TES: variants seen among roughly 807,000 people sequenced by gnomAD.
TES encodes testin LIM domain protein.
Under a neutral mutation model 48.2 loss-of-function variants are expected in TES, and 41 were observed. The ratio of observed to expected loss-of-function variants is 0.85; its 90% CI spans 0.66 to 1.10. TES has a LOEUF of 1.10. Among genes scored for constraint, TES ranks in the 50% least tolerant of loss-of-function variants. TES has a pLI of 0.00. For missense variants in TES, 463 were observed against 515.1 expected, an observed-to-expected ratio of 0.90 and a Z score of 0.98; for synonymous variants, 162 against 174.9, an observed-to-expected ratio of 0.93 and a Z score of 0.58.
In TES at chr7:116,250,167, C is replaced by T. The variant is rs747268558; in HGVS notation, c.373C>T (p.Gln125Ter). Residue 125 changes from glutamine to a stop codon, truncating the protein, a stop_gained, in exon 4 of 7, where the codon CAG becomes TAG. Coordinates refer to ENST00000358204, the MANE Select transcript of TES (RefSeq NM_015641.4). LOFTEE classifies it high-confidence loss of function. ...PPVQNQALAR[Q>*]YMQMLPKEKQ... The stretch of plus-strand genomic sequence containing the variant: ...TGGCCTCCTTGTGGTTCAGGCCAGG[C>T]AGTACATGCAGATGCTACCCAAGGA... 6.5e-7 allele frequency: 1 copy of T among 1,528,092 alleles called. No homozygotes were observed. Among genetic ancestry groups the T allele is most frequent in the South Asian group, 1.3e-5 (1 of 75,064 alleles). 94.7% of individuals were successfully genotyped at this position (1,528,092 alleles called of 1,614,324 possible).
At chr7:116,238,578 C>T (rs1799802715) in intron 2 of TES, among the ~76,000 whole-genome samples, 1 of 118,500 alleles carries the variant, frequency 8.4e-6, no homozygotes, top group South Asian at 2.8e-4. Context: ...GTTAACTCAA[C>T]ATCCATCATT....
chr7:116,253,095 G>C (rs577665037), intron 6 of TES, among the ~76,000 whole-genome samples: 1 of 152,188 alleles, frequency 6.6e-6, no homozygotes, highest in Non-Finnish European at 1.5e-5. Flanking sequence ...AGGGTAAAAA[G>C]TTGACCATAG....
intron 2 of TES, 84 bp downstream of exon 2, chr7:116,234,703 T>G: frequency 9.0e-7 from 1 of 1,111,428 alleles, no homozygotes; most frequent in Non-Finnish European, 1.4e-6. Flanking sequence ...CTTCGAGTTC[T>G]CCAGCATGGT....
At chr7:116,247,873 T>G (rs368952641) in intron 2 of TES, among the ~76,000 whole-genome samples, 41 of 152,278 alleles carry the variant, frequency 2.7e-4, no homozygotes, top group African/African-American at 9.1e-4. Context: ...CATGGGTAAA[T>G]TGCATGTTAC....
At chr7:116,220,667 A>T (rs188879314) in intron 1 of TES, among the ~76,000 whole-genome samples, 145 of 152,318 alleles carry the variant, frequency 9.5e-4, no homozygotes, top group Non-Finnish European at 1.3e-3. Context: ...GTTAGACCTT[A>T]GTACCAATAA....
intron 4 of TES, chr7:116,251,465 G>A (rs911987627): frequency 2.1e-5 from 6 of 292,258 alleles, no homozygotes; most frequent in Middle Eastern, 1.2e-3. Context: ...GGTGAATCAC[G>A]AGGTCAGGAG....
chr7:116,247,977 A>G (rs1261793163), intron 2 of TES, among the ~76,000 whole-genome samples: 2 of 151,546 alleles, frequency 1.3e-5, no homozygotes, highest in Non-Finnish European at 2.9e-5. Context: ...CACCCTCCCC[A>G]CTCTAATATT....
intron 2 of TES, among the ~76,000 whole-genome samples, chr7:116,236,070 A>G (rs1384982854): frequency 6.6e-6 from 1 of 152,208 alleles, no homozygotes; most frequent in Non-Finnish European, 1.5e-5. Flanking sequence ...TTCAAGGGAC[A>G]TAGAAGTGGC....
At chr7:116,218,689 T>A (rs112790821) in intron 1 of TES, among the ~76,000 whole-genome samples, 8,218 of 152,204 alleles carry the variant, frequency 0.054, 276 homozygotes, top group Non-Finnish European at 0.083. Context: ...CGATGTCACC[T>A]TTGATAGATT....
At chr7:116,246,528 T>G (rs1799925126) in intron 2 of TES, among the ~76,000 whole-genome samples, 1 of 152,204 alleles carries the variant, frequency 6.6e-6, no homozygotes, top group Admixed American at 6.5e-5. Flanking sequence ...CCTGCATGAC[T>G]TCATGCCTAC....
At position 116,252,224 on chromosome 7, in the gene TES, C is replaced by T. The variant is rs75495392; in HGVS notation, c.919-94C>T. The stretch of plus-strand genomic sequence containing the variant: ...AGCATAAGTTCAAGCTTTAGGTTAT[C>T]ATTTTCAAACTTTAGACCCTGAGAA... On this transcript the variant is annotated intron_variant, in intron 5 of 6. Coordinates refer to ENST00000358204, the MANE Select transcript of TES (RefSeq NM_015641.4). The T allele has an allele frequency of 2.1e-3, 2,875 of 1,350,766 alleles. 94 individuals are homozygous for T. In the East Asian group the frequency reaches 0.062, roughly 29 times the overall value. The allele number at this position is 1,350,766 out of a possible 1,614,324, so 83.7% of individuals were successfully genotyped here. A position where few individuals can be genotyped will look rare whatever the true frequency, so the allele number is the denominator to read the frequency against.
intron 1 of TES, among the ~76,000 whole-genome samples, chr7:116,215,646 T>C (rs1332915227): frequency 6.6e-6 from 1 of 152,204 alleles, no homozygotes. Flanking sequence ...CTCCTAACTA[T>C]GTAAAATGGC....
At chr7:116,211,784 A>G (rs1232764429) in intron 1 of TES, among the ~76,000 whole-genome samples, 2 of 144,518 alleles carry the variant, frequency 1.4e-5, no homozygotes, top group African/African-American at 2.5e-5. Context: ...CATTAATTCT[A>G]TTTTATGCCC....
chr7:116,225,947 TG>T (rs1030730382), intron 1 of TES, among the ~76,000 whole-genome samples: 26 of 152,296 alleles, frequency 1.7e-4, no homozygotes, highest in African/African-American at 5.5e-4. Context: ...GATAAAAATG[TG>T]GGTAGTAATA....
chr7:116,247,215 A>T (rs1421093850), intron 2 of TES, among the ~76,000 whole-genome samples: 2 of 152,108 alleles, frequency 1.3e-5, no homozygotes, highest in African/African-American at 4.8e-5. Flanking sequence ...AAATTGAGAA[A>T]AAAATGAGAA....
rs1799422824 is a variant in TES, at chr7:116,210,590, T to G, written c.-118T>G. ...TCGACGGCGCCGGGCGAGTGGCTGTTGAGCGGCGCCGCGGGAGTTCCGCAG... is the reference window on the plus strand; with the variant it reads ...TCGACGGCGCCGGGCGAGTGGCTGTGGAGCGGCGCCGCGGGAGTTCCGCAG... On this transcript the variant is annotated 5_prime_UTR_variant, in exon 1 of 7. Coordinates refer to ENST00000358204, the MANE Select transcript of TES (RefSeq NM_015641.4). The G allele has an allele frequency of 1.9e-5, 22 of 1,136,342 alleles. No homozygotes were observed. Among genetic ancestry groups the G allele is most frequent in the Non-Finnish European group, 2.5e-5 (22 of 884,592 alleles). 70.4% of individuals were successfully genotyped at this position (1,136,342 alleles called of 1,614,324 possible). A position where few individuals can be genotyped will look rare whatever the true frequency, so the allele number is the denominator to read the frequency against.
At chr7:116,252,197 A>G in intron 5 of TES, 121 bp from the exon 6 acceptor site, 1 of 1,144,708 alleles carries the variant, frequency 8.7e-7, no homozygotes, top group Non-Finnish European at 1.2e-6. Context: ...AAACTAAGTG[A>G]TAGCATAAGT....
rs549752625 is a variant in TES at position 116,257,240 on chromosome 7, G to A, written c.1078-54G>A. 189 of 1,474,294 alleles carry A rather than the reference G, an allele frequency of 1.3e-4. No homozygotes were observed. The African/African-American group carries it at 2.3e-3, about 18-fold the overall frequency. 91.3% of individuals were successfully genotyped at this position (1,474,294 alleles called of 1,614,324 possible). The stretch of plus-strand genomic sequence containing the variant: ...AAGAAATATGTCCTAAGATGAAAAT[G>A]TTACCATTACAGCTTGATCTCTCAC... On this transcript the variant is annotated intron_variant, in intron 6 of 6. Transcript: ENST00000358204.
chr7:116,237,474 T>C (rs1043273027), intron 2 of TES, among the ~76,000 whole-genome samples: 10 of 152,158 alleles, frequency 6.6e-5, no homozygotes, highest in African/African-American at 2.4e-4. Context: ...TTCCAGCCTC[T>C]TCCACTTCCC....
Sources: allele counts gnomAD v4.1 joint callset (sites outside exome capture counted in the v4.1 genomes callset), GRCh38; gene constraint gnomAD v4.1.1; transcripts MANE v1.5; gene names NCBI Gene and HGNC (gene_info 2026-07-23, HGNC 2026-07-21).